The following ARHGEF4 variants were observed in gnomAD, a reference collection of about 807,000 sequenced individuals.
The protein encoded by ARHGEF4 is Rho guanine nucleotide exchange factor 4.
ARHGEF4 carries 119 observed loss-of-function variants against 162.0 expected under a neutral mutation model. The ratio of observed to expected loss-of-function variants is 0.73; its 90% confidence interval spans 0.63 to 0.86. The LOEUF is 0.86. ARHGEF4 is among the 40% of genes least tolerant of loss of function. The probability of loss-of-function intolerance (pLI) is 0.00; values close to 1 mark genes in which losing one functional copy is unlikely to be tolerated. For missense variants in ARHGEF4, 2,488 were observed against 2,456.0 expected (o/e 1.01, Z -0.28); for synonymous variants, 1,014 against 979.9 (o/e 1.03, Z -0.65).
intron 4 of ARHGEF4, among the ~76,000 whole-genome samples, chr2:130,954,631 T>C (rs1436344546): frequency 1.3e-5 from 2 of 152,242 alleles, no homozygotes; most frequent in African/African-American, 4.8e-5. Context: ...CTGGAGTTTC[T>C]GCTAAGAAAT....
chr2:130,844,224 G>T (rs1965934), intron 1 of ARHGEF4, among the ~76,000 whole-genome samples: 2,196 of 152,336 alleles, frequency 0.014, 43 homozygotes, highest in African/African-American at 0.049. Flanking sequence ...TCTGCAATGG[G>T]CTGCCCCTCA....
chr2:131,040,238 G>A (rs1003649042), intron 7 of ARHGEF4, 23 bp from the exon 8 acceptor site: 1 of 1,611,086 alleles, frequency 6.2e-7, no homozygotes, highest in African/African-American at 1.3e-5. Context: ...GGTCGGGGGA[G>A]GCCTAACCAC....
At chr2:131,007,097 G>A (rs974014108) in intron 4 of ARHGEF4, among the ~76,000 whole-genome samples, 1 of 152,230 alleles carries the variant, frequency 6.6e-6, no homozygotes, top group Admixed American at 6.5e-5. Flanking sequence ...AAGAGTAAAG[G>A]CGTTTGTCAT....
At chr2:130,975,611 C>T (rs1558793412) in intron 4 of ARHGEF4, among the ~76,000 whole-genome samples, 1 of 152,206 alleles carries the variant, frequency 6.6e-6, no homozygotes, top group Non-Finnish European at 1.5e-5. Context: ...CTCCCTGCCT[C>T]CAGTCCCACC....
At chr2:130,928,293 C>T (rs886272428) in intron 2 of ARHGEF4, among the ~76,000 whole-genome samples, 18 of 152,144 alleles carry the variant, frequency 1.2e-4, no homozygotes, top group African/African-American at 4.1e-4. Context: ...GAGCGGTATC[C>T]TCCAGTCATT....
At chr2:130,931,895 AAG>A in intron 3 of ARHGEF4, among the ~76,000 whole-genome samples, 1 of 152,330 alleles carries the variant, frequency 6.6e-6, no homozygotes, top group Non-Finnish European at 1.5e-5. Flanking sequence ...CTCATCCTTG[AAG>A]ACTCACTTTT....
chr2:130,840,020 A>G (rs1399426722), intron 1 of ARHGEF4, among the ~76,000 whole-genome samples: 4 of 152,222 alleles, frequency 2.6e-5, no homozygotes, highest in Non-Finnish European at 5.9e-5. Context: ...AGCCAAGACA[A>G]GTCGTGAAGG....
chr2:130,944,361 C>G (rs1382589806), intron 3 of ARHGEF4, among the ~76,000 whole-genome samples: 1 of 152,182 alleles, frequency 6.6e-6, no homozygotes, highest in East Asian at 1.9e-4. Flanking sequence ...TTGTTCTGCA[C>G]TGCACTCCCT....
At chr2:130,989,772 C>G (rs151229994) in intron 4 of ARHGEF4, among the ~76,000 whole-genome samples, 1 of 152,124 alleles carries the variant, frequency 6.6e-6, no homozygotes, top group African/African-American at 2.4e-5. Context: ...TTTATGACGG[C>G]GGGGCCTGTG....
chr2:131,003,190 AG>A (rs1484350805), intron 4 of ARHGEF4, among the ~76,000 whole-genome samples: 1 of 152,180 alleles, frequency 6.6e-6, no homozygotes, highest in Non-Finnish European at 1.5e-5. Flanking sequence ...TGACGAGGCC[AG>A]GGGAATGGAG....
At chr2:130,937,722 C>A (rs1170569492) in intron 3 of ARHGEF4, among the ~76,000 whole-genome samples, 1 of 149,254 alleles carries the variant, frequency 6.7e-6, no homozygotes, top group Admixed American at 6.7e-5. Flanking sequence ...GACGGGAGTG[C>A]AGTGGTGCGA....
intron 1 of ARHGEF4, among the ~76,000 whole-genome samples, chr2:130,911,794 C>T (rs1385391969): frequency 3.9e-5 from 6 of 152,352 alleles, no homozygotes; most frequent in Non-Finnish European, 8.8e-5. Context: ...ACGCCAGCCC[C>T]TGCCTCACAG....
rs377549437 is a variant in ARHGEF4 at position 130,955,065 on chromosome 2, T to C, written c.3985+8430T>C. Among the ~76,000 whole-genome samples the C allele has an allele frequency of 2.1e-3, 327 of 152,328 alleles. 2 individuals are homozygous for C. The highest frequency in any genetic ancestry group is 7.4e-3 in the African/African-American group (309 of 41,574). ...TTCTTCCATCTATTCAAACCAGCTG[T>C]TGAGCCCTTCTAGTGAACTTTTTAT... On this transcript the variant is annotated intron_variant, in intron 4 of 13. Coordinates refer to ENST00000409359, the MANE Select transcript of ARHGEF4 (RefSeq NM_001367493.1).
Position 130,915,520 on chromosome 2 carries a change from C to T in ARHGEF4, c.1574C>T (p.Pro525Leu). ...AAGTCACCTACCAGGGCCAAGTTCC[C>T]ACGGCAGCCTAGCAGTGAGGGGACC... is the stretch of plus-strand genomic sequence containing the variant. ...ESKSPTRAKF[P>L]RQPSSEGTQV... The change falls in exon 2 of 14, where the codon CCA becomes CTA. Residue 525 changes from proline (P) to leucine (L), a missense_variant. Physicochemically the swap from Pro to Leu is moderately conservative, Grantham distance 98. Coordinates refer to ENST00000409359, the MANE Select transcript of ARHGEF4 (RefSeq NM_001367493.1). 2 of 1,550,526 alleles carry T rather than the reference C, an allele frequency of 1.3e-6. No individual in the cohort carries two copies. The highest frequency in any genetic ancestry group is 1.7e-6 in the Non-Finnish European group (2 of 1,146,994).
At chr2:130,839,628 A>G (rs932768487) in intron 1 of ARHGEF4, among the ~76,000 whole-genome samples, 1 of 152,176 alleles carries the variant, frequency 6.6e-6, no homozygotes, top group Admixed American at 6.5e-5. Flanking sequence ...GGGCCCACAC[A>G]GGTGCGCCGC....
intron 1 of ARHGEF4, among the ~76,000 whole-genome samples, chr2:130,867,314 C>T (rs1682357430): frequency 6.6e-6 from 1 of 151,876 alleles, no homozygotes; most frequent in Non-Finnish European, 1.5e-5. Context: ...TCTCGGCTCA[C>T]TGCAACCTCC....
intron 4 of ARHGEF4, among the ~76,000 whole-genome samples, chr2:130,975,296 C>T (rs553258914): frequency 6.6e-6 from 1 of 152,292 alleles, no homozygotes; most frequent in African/African-American, 2.4e-5. Flanking sequence ...CCTTCCAGAC[C>T]CTGGAGACTG....
intron 4 of ARHGEF4, among the ~76,000 whole-genome samples, chr2:131,007,178 C>G (rs1475984979): frequency 3.9e-5 from 6 of 152,190 alleles, no homozygotes; most frequent in African/African-American, 1.4e-4. Flanking sequence ...TGTCTTCACT[C>G]TAGATGGTGG....
At chr2:130,889,075 G>A (rs953655949) in intron 1 of ARHGEF4, among the ~76,000 whole-genome samples, 3 of 150,548 alleles carry the variant, frequency 2.0e-5, no homozygotes, top group East Asian at 1.9e-4. Context: ...ATTGCACTCC[G>A]GCCTGGGCAA....
Sources: gnomAD v4.1 joint callset for allele counts (sites outside exome capture counted in the v4.1 genomes callset) on GRCh38, gnomAD v4.1.1 for gene constraint, MANE v1.5 for transcripts, NCBI Gene and HGNC (gene_info 2026-07-23, HGNC 2026-07-21) for gene names.